Variants in RAPGEF6 observed in about 807,000 individuals in gnomAD.
RAPGEF6 encodes Rap guanine nucleotide exchange factor 6.
Under a neutral mutation model 171.4 loss-of-function variants are expected in RAPGEF6, and 56 were observed. The ratio of observed to expected loss-of-function variants is 0.33; its 90% CI spans 0.26 to 0.41. The LOEUF (loss-of-function observed/expected upper bound fraction) is 0.41. RAPGEF6 is among the 10% of genes least tolerant of loss of function. The probability of loss-of-function intolerance (pLI) is 1.00; values close to 1 mark genes in which losing one functional copy is unlikely to be tolerated. For synonymous variants in RAPGEF6, 692 were observed against 650.1 expected (o/e 1.06, Z -0.98); for missense variants, 1,674 against 1,921.4 (o/e 0.87, Z 2.41).
intron 4 of RAPGEF6, among the ~76,000 whole-genome samples, chr5:131,586,180 G>T (rs1237126724): frequency 6.6e-6 from 1 of 152,188 alleles, no homozygotes; most frequent in Non-Finnish European, 1.5e-5. Context: ...TTCATCCAAA[G>T]ACGTTACTAA....
chr5:131,494,616 T>C (rs926823126), intron 13 of RAPGEF6, among the ~76,000 whole-genome samples: 3 of 152,124 alleles, frequency 2.0e-5, no homozygotes, highest in African/African-American at 7.2e-5. Flanking sequence ...GCAAGGGACC[T>C]GAATATATGG....
At chr5:131,439,097 T>G (rs1343105227) in intron 24 of RAPGEF6, among the ~76,000 whole-genome samples, 2 of 152,044 alleles carry the variant, frequency 1.3e-5, no homozygotes, top group African/African-American at 4.8e-5. Context: ...TTAAATTGTT[T>G]GTAGAGTTGG....
intron 16 of RAPGEF6, among the ~76,000 whole-genome samples, chr5:131,478,575 C>G (rs1475378991): frequency 6.6e-6 from 1 of 152,186 alleles, no homozygotes; most frequent in East Asian, 1.9e-4. Flanking sequence ...TTGTTCCTGC[C>G]TCCACTTATC....
chr5:131,516,416 T>C (rs1580952358), intron 7 of RAPGEF6, among the ~76,000 whole-genome samples: 2 of 152,082 alleles, frequency 1.3e-5, no homozygotes, highest in Non-Finnish European at 2.9e-5. Flanking sequence ...CAAAAGAACA[T>C]ACTGGTGAAA....
At chr5:131,569,896 G>C (rs1466237562) in intron 4 of RAPGEF6, among the ~76,000 whole-genome samples, 1 of 151,872 alleles carries the variant, frequency 6.6e-6, no homozygotes, top group Non-Finnish European at 1.5e-5. Flanking sequence ...AGAAAAATTA[G>C]CCAGGCGTAG....
At chr5:131,465,675 C>T (rs759200834) in intron 17 of RAPGEF6, among the ~76,000 whole-genome samples, 7 of 151,724 alleles carry the variant, frequency 4.6e-5, no homozygotes, top group Non-Finnish European at 1.0e-4. Context: ...TCCAGCTACT[C>T]GGGAGGTGGA....
intron 13 of RAPGEF6, among the ~76,000 whole-genome samples, chr5:131,493,394 C>G (rs1199850475): frequency 6.6e-6 from 1 of 152,164 alleles, no homozygotes. Flanking sequence ...TTTCCTAATA[C>G]ACACTCTACT....
Position 131,429,164 on chromosome 5 carries a change from G to C in RAPGEF6, c.4518C>G (p.Pro1506=). ...KKDDRYREPP[P]TPPGYLGISL... ...AAATCCCCAAATATCCTGGAGGAGT[G>C]GGAGGTGGCTCCCTATACCTATCGT... The change falls in exon 27 of 28, where the codon CCC becomes CCG. Residue 1506 remains proline (P), a synonymous_variant. Coordinates refer to ENST00000509018, the MANE Select transcript of RAPGEF6 (RefSeq NM_016340.6). The C allele has an allele frequency of 6.2e-7, 1 of 1,613,720 alleles. No individual in the cohort carries two copies. Among genetic ancestry groups the C allele is most frequent in the Non-Finnish European group, 8.5e-7 (1 of 1,179,692 alleles).
chr5:131,499,025 G>A (rs1756833307), intron 11 of RAPGEF6, among the ~76,000 whole-genome samples: 1 of 152,010 alleles, frequency 6.6e-6, no homozygotes, highest in South Asian at 2.1e-4. Flanking sequence ...GAATGAAAGG[G>A]AAGAAAGAAA....
At position 131,462,044 on chromosome 5, in the gene RAPGEF6, T is replaced by G. The variant is rs1214076551; in HGVS notation, c.2525A>C (p.Asp842Ala). ...NNMETETLCSDEDAQELVKES... is the reference protein window; with the variant it reads ...NNMETETLCSAEDAQELVKES... ...CTTAACTAGTTCTTGAGCATCTTCA[T>G]CTGAACATAAGGTTTCTGTTTCCAT... The change falls in exon 19 of 28, where the codon GAT (aspartate) becomes GCT (alanine). Residue 842 changes from aspartate (D) to alanine (A), a missense_variant. This residue lies in a region of RAPGEF6 where 1,116 missense variants were observed against 1,321.5 expected (regional missense o/e 0.84). Coordinates refer to ENST00000509018, the MANE Select transcript of RAPGEF6 (RefSeq NM_016340.6). 1 of 1,610,652 alleles carries G rather than the reference T, an allele frequency of 6.2e-7. No homozygotes were observed. Among genetic ancestry groups the G allele is most frequent in the Admixed American group, 1.7e-5 (1 of 59,418 alleles).
At chr5:131,439,554 G>C (rs1009990355) in intron 24 of RAPGEF6, 27 bp downstream of exon 24, 10 of 1,586,944 alleles carry the variant, frequency 6.3e-6, no homozygotes, top group Non-Finnish European at 8.6e-6. Flanking sequence ...AGTTTAACAA[G>C]AACTAGTTTG....
chr5:131,491,722 T>A (rs1163620344), intron 14 of RAPGEF6, among the ~76,000 whole-genome samples: 1 of 152,152 alleles, frequency 6.6e-6, no homozygotes, highest in African/African-American at 2.4e-5. Context: ...GCACTCCTTA[T>A]GAAAATTTAA....
At chr5:131,629,773 A>G (rs978303513) in intron 1 of RAPGEF6, among the ~76,000 whole-genome samples, 2 of 151,724 alleles carry the variant, frequency 1.3e-5, no homozygotes, top group Non-Finnish European at 2.9e-5. Flanking sequence ...AAAAAAAAAA[A>G]AAAGGAAAGA....
At position 131,623,022 on chromosome 5, in the gene RAPGEF6, CTTCT is replaced by C. The variant is rs372093052; in HGVS notation, c.69+11936_69+11939del. On this transcript the variant is annotated intron_variant, in intron 1 of 27. Coordinates refer to ENST00000509018, the MANE Select transcript of RAPGEF6 (RefSeq NM_016340.6). ...TTTACATTTTTTAAATTCCCAGCTC[CTTCT>C]TTAACTTTTTAATAACCAAAAATAC... is the stretch of plus-strand genomic sequence containing the variant. Among the ~76,000 whole-genome samples the C allele has an allele frequency of 5.3e-3, 813 of 152,218 alleles. 4 individuals carry two copies. Among genetic ancestry groups the C allele is most frequent in the African/African-American group, 0.019 (773 of 41,526 alleles).
rs184414884 is a variant in RAPGEF6, at chr5:131,466,759, T to A, written c.2240-2478A>T. Among the ~76,000 whole-genome samples the A allele has an allele frequency of 2.0e-3, 304 of 152,272 alleles. 1 individual carries two copies. The highest frequency in any genetic ancestry group is 7.0e-3 in the African/African-American group (289 of 41,570). On this transcript the variant is annotated intron_variant, in intron 17 of 27. Coordinates refer to ENST00000509018, the MANE Select transcript of RAPGEF6 (RefSeq NM_016340.6). ...CCTCTTTCCTTTGTAAATTGTCCAGTCTTGGGTATGTCTTTATCAGCAGCA... is the reference window on the plus strand; with the variant it reads ...CCTCTTTCCTTTGTAAATTGTCCAGACTTGGGTATGTCTTTATCAGCAGCA...
Position 131,510,445 on chromosome 5 carries a change from T to C in RAPGEF6, c.674A>G (p.Glu225Gly). The change falls in exon 8 of 28, where the codon GAA becomes GGA. Residue 225 changes from glutamate (E) to glycine (G), a missense_variant. This residue lies in a region of RAPGEF6 where 1,116 missense variants were observed against 1,321.5 expected (regional missense o/e 0.84). Coordinates refer to ENST00000509018, the MANE Select transcript of RAPGEF6 (RefSeq NM_016340.6). ...GTCATCCTCAGAATCAACAGGTCCTTCTGGAAGACGTGTCAAATCTACATC... is the reference window on the plus strand; with the variant it reads ...GTCATCCTCAGAATCAACAGGTCCTCCTGGAAGACGTGTCAAATCTACATC... ...VGDVDLTRLP[E>G]GPVDSEDDEE... 2.5e-6 allele frequency: 4 copies of C among 1,614,118 alleles called. No individual in the cohort carries two copies. The highest frequency in any genetic ancestry group is 2.7e-5 in the African/African-American group (2 of 75,036).
rs182397784 is a variant in RAPGEF6, at chr5:131,611,719, T to C, written c.70-7026A>G. Among the ~76,000 whole-genome samples the C allele has an allele frequency of 1.8e-3, 279 of 152,308 alleles. 1 individual carries two copies. The highest frequency in any genetic ancestry group is 6.5e-3 in the African/African-American group (270 of 41,562). On this transcript the variant is annotated intron_variant, in intron 1 of 27. Transcript: ENST00000509018. Reference sequence around the variant, plus strand: ...TAGAGGCTTTTTGGTTTATTGCTGGTTTACATAAATCAATTGATTCTATAT... The same window carrying C: ...TAGAGGCTTTTTGGTTTATTGCTGGCTTACATAAATCAATTGATTCTATAT...
Position 131,431,091 on chromosome 5 carries a change from A to G in RAPGEF6, c.4233T>C (p.Tyr1411=). 1 of 1,614,220 alleles carries G rather than the reference A, an allele frequency of 6.2e-7. No homozygotes were observed. Among genetic ancestry groups the G allele is most frequent in the Non-Finnish European group, 8.5e-7 (1 of 1,180,032 alleles). Residue 1411 remains tyrosine (Y), a synonymous_variant, in exon 26 of 28, where the codon TAT becomes TAC. Transcript: ENST00000509018. ...AEVEPTDSEP[Y]SCSKSCSRTC... ...TTCTAGAGCAGCTTTTAGAACAGGA[A>G]TAGGGCTCAGAGTCAGTGGGTTCAA... is the stretch of plus-strand genomic sequence containing the variant.
chr5:131,427,246 T>A lies in RAPGEF6; in HGVS notation c.*20A>T. On this transcript the variant is annotated 3_prime_UTR_variant, in exon 28 of 28. Transcript: ENST00000509018. The stretch of plus-strand genomic sequence containing the variant: ...ATTCCTCCACGACTTTCAGTGGTTT[T>A]CAAATAGGTCATCCAAAGGCTAGAC... 6.2e-7 allele frequency: 1 copy of A among 1,605,968 alleles called. No individual in the cohort carries two copies. The highest frequency in any genetic ancestry group is 1.7e-4 in the Middle Eastern group (1 of 6,040).
Sources: gnomAD v4.1 joint callset for allele counts (sites outside exome capture counted in the v4.1 genomes callset) on GRCh38, gnomAD v4.1.1 for gene constraint, gnomAD v4.1.1 regional missense constraint, MANE v1.5 for transcripts, NCBI Gene and HGNC (gene_info 2026-07-23, HGNC 2026-07-21) for gene names.